Variants in ACER1 observed in about 807,000 individuals in gnomAD.
ACER1 encodes the protein alkaline ceramidase 1, also known as CTB-180A7.3.
Under a neutral mutation model 24.9 loss-of-function variants are expected in ACER1, and 28 were observed. The ratio of observed to expected loss-of-function variants is 1.13; its 90% CI spans 0.83 to 1.54. ACER1 has a LOEUF of 1.54. Among genes scored for constraint, ACER1 ranks in the 40% most tolerant of loss-of-function variants. The probability of loss-of-function intolerance (pLI) is 0.00; values close to 1 mark genes in which losing one functional copy is unlikely to be tolerated. For missense variants in ACER1, 352 were observed against 349.3 expected (o/e 1.01, Z -0.06); for synonymous variants, 132 against 131.4 (o/e 1.00, Z -0.03).
At chr19:6,342,591 C>T in the ACER1 span, among the ~76,000 whole-genome samples, 4 of 150,810 alleles carry the variant, frequency 2.7e-5, no homozygotes, top group South Asian at 4.3e-4. Flanking sequence ...TGGTGGCGGG[C>T]GCCTGTAGTC....
the ACER1 span, chr19:6,343,670 T>C: frequency 6.5e-6 from 1 of 152,732 alleles, no homozygotes; most frequent in African/African-American, 2.4e-5. Flanking sequence ...AATCCCAACA[T>C]GGCTTTGGTG....
the ACER1 span, among the ~76,000 whole-genome samples, chr19:6,357,570 G>C: frequency 6.6e-6 from 1 of 151,878 alleles, no homozygotes; most frequent in African/African-American, 2.4e-5. Context: ...TCAGGAGTTC[G>C]AGACCAGCCT....
chr19:6,325,041 G>A (rs565885650), intron 1 of ACER1, among the ~76,000 whole-genome samples: 2 of 152,046 alleles, frequency 1.3e-5, no homozygotes, highest in South Asian at 2.1e-4. Flanking sequence ...TTCCCTACTC[G>A]AGCCGCCCCT....
the ACER1 span, among the ~76,000 whole-genome samples, chr19:6,355,360 C>T: frequency 0.25 from 32,150 of 126,388 alleles, 8,602 homozygotes; most frequent in African/African-American, 0.72. Context: ...CTGGCCACCA[C>T]CCCATCTAGG....
chr19:6,358,188 C>G, the ACER1 span, among the ~76,000 whole-genome samples: 1 of 152,214 alleles, frequency 6.6e-6, no homozygotes, highest in Non-Finnish European at 1.5e-5. Context: ...CCTCCTACCT[C>G]CTCAATCCCA....
At chr19:6,359,541 C>T in the ACER1 span, among the ~76,000 whole-genome samples, 4 of 152,144 alleles carry the variant, frequency 2.6e-5, no homozygotes, top group East Asian at 7.8e-4. Flanking sequence ...TGGTCTCAAA[C>T]CCCTGTCCTT....
At chr19:6,316,968 C>CTTTTTT (rs71174911) in intron 1 of ACER1, among the ~76,000 whole-genome samples, 6 of 117,236 alleles carry the variant, frequency 5.1e-5, no homozygotes, top group Non-Finnish European at 8.4e-5. Flanking sequence ...CCCTCCCCAT[C>CTTTTTT]TTTTTTTTTT....
At chr19:6,358,002 C>A in the ACER1 span, among the ~76,000 whole-genome samples, 2 of 152,100 alleles carry the variant, frequency 1.3e-5, no homozygotes, top group African/African-American at 4.8e-5. Context: ...GCAGGGGGTG[C>A]AGGGCAGCGT....
chr19:6,310,334 G>A (rs1043238632), intron 3 of ACER1, among the ~76,000 whole-genome samples: 32 of 151,950 alleles, frequency 2.1e-4, no homozygotes, highest in African/African-American at 7.2e-4. Context: ...TGATCCGCCC[G>A]CCTCGGCCTC....
At chr19:6,323,860 C>G (rs2091645268) in intron 1 of ACER1, among the ~76,000 whole-genome samples, 1 of 148,590 alleles carries the variant, frequency 6.7e-6, no homozygotes, top group African/African-American at 2.5e-5. Flanking sequence ...TTGTGTGTAG[C>G]TCAGAGAGGG....
chr19:6,314,392 C>T (rs917917887), intron 1 of ACER1, among the ~76,000 whole-genome samples: 16 of 150,970 alleles, frequency 1.1e-4, no homozygotes, highest in Admixed American at 8.6e-4. Context: ...ATTGCTTAAA[C>T]TCAGGAGGCA....
chr19:6,314,741 A>G (rs74486363), intron 1 of ACER1, among the ~76,000 whole-genome samples: 5,831 of 152,236 alleles, frequency 0.038, 376 homozygotes, highest in African/African-American at 0.13. Context: ...TATCTACCCA[A>G]AGGAAACGAA....
the ACER1 span, among the ~76,000 whole-genome samples, chr19:6,340,333 AAGGAAGGAAGGAAGGAAGGAAG>A: frequency 7.0e-6 from 1 of 143,060 alleles, no homozygotes; most frequent in African/African-American, 2.6e-5. Flanking sequence ...GGAAGGAAGG[AAGGAAGGAAGGAAGGAAGGAAG>A]GAAGGAAGGA....
At chr19:6,312,097 T>A in intron 3 of ACER1, 52 bp downstream of exon 3, 1 of 1,588,924 alleles carries the variant, frequency 6.3e-7, no homozygotes, top group Non-Finnish European at 8.6e-7. Flanking sequence ...TCATGTAGAG[T>A]CAACTGAAGA....
At chr19:6,333,936 G>A (rs2091702461), upstream of ACER1, among the ~76,000 whole-genome samples, 1 of 152,114 alleles carries the variant, frequency 6.6e-6, no homozygotes, top group South Asian at 2.1e-4. Context: ...CTGGGGTACA[G>A]TGGCATCATC....
At chr19:6,316,274 A>G (rs1433855531) in intron 1 of ACER1, among the ~76,000 whole-genome samples, 1 of 152,158 alleles carries the variant, frequency 6.6e-6, no homozygotes, top group Non-Finnish European at 1.5e-5. Flanking sequence ...CCTCCATAAA[A>G]AATAAATTTA....
intron 1 of ACER1, among the ~76,000 whole-genome samples, chr19:6,332,224 C>T (rs1361103121): frequency 5.4e-5 from 8 of 149,384 alleles, no homozygotes; most frequent in South Asian, 2.1e-4. Flanking sequence ...ACCTTGGCCT[C>T]GCAAAGTGCT....
the ACER1 span, among the ~76,000 whole-genome samples, chr19:6,352,423 T>C: frequency 6.6e-6 from 1 of 152,178 alleles, no homozygotes; most frequent in Admixed American, 6.6e-5. Flanking sequence ...GAGAGAGAGA[T>C]GACTCACTGG....
rs183754362 is a variant in ACER1, at chr19:6,306,690, G to A, written c.*24C>T. The A allele has an allele frequency of 5.7e-6, 9 of 1,581,838 alleles. No homozygotes were observed. The East Asian group carries it at 1.1e-4, about 20-fold the overall frequency. ...GACACAGGCAAGTTGTTGGGTGGTT[G>A]GATAGTCAAGAGGCTGGCAGGTCTC... On this transcript the variant is annotated 3_prime_UTR_variant, in exon 6 of 6. Transcript: ENST00000301452.
Sources: gnomAD v4.1 joint callset for allele counts (sites outside exome capture counted in the v4.1 genomes callset) on GRCh38, gnomAD v4.1.1 for gene constraint, MANE v1.5 for transcripts, NCBI Gene and HGNC (gene_info 2026-07-23, HGNC 2026-07-21) for gene names.